Variants in ASB9 observed in about 807,000 individuals in gnomAD.
ASB9 encodes ankyrin repeat and SOCS box containing 9.
In ASB9, 5 loss-of-function variants were observed where a neutral mutation model predicts 16.6. The observed-to-expected ratio is 0.30, with a 90% CI of 0.16 to 0.63. ASB9 has a LOEUF of 0.63. Ranked by LOEUF, ASB9 falls within the 30% of genes least tolerant of loss-of-function variation. The probability of loss-of-function intolerance (pLI) is 0.82; values close to 1 mark genes in which losing one functional copy is unlikely to be tolerated. For missense variants in ASB9, 216 were observed against 229.4 expected (o/e 0.94, Z 0.38); for synonymous variants, 100 against 86.4 (o/e 1.16, Z -0.87).
chrX:15,247,359 C>T (rs1325119720), intron 6 of ASB9, among the ~76,000 whole-genome samples: 1 of 111,728 alleles, frequency 9.0e-6, no homozygotes, highest in African/African-American at 3.3e-5. Context: ...AAAGTAATTA[C>T]TGTCTCTAGG....
intron 1 of ASB9, among the ~76,000 whole-genome samples, chrX:15,265,803 A>ATTTTT (rs776249903): frequency 1.0e-5 from 1 of 96,953 alleles, no homozygotes; most frequent in African/African-American, 3.8e-5. Context: ...CACCCAGCTA[A>ATTTTT]TTTTTTTTTT....
intron 1 of ASB9, among the ~76,000 whole-genome samples, chrX:15,262,097 T>C (rs1926011170): frequency 9.4e-6 from 1 of 105,961 alleles, no homozygotes; most frequent in African/African-American, 3.5e-5. Context: ...GTTTCATCCA[T>C]GTTGTAGCGT....
intron 4 of ASB9, 75 bp downstream of exon 4, chrX:15,252,179 C>A (rs1451188047): frequency 9.5e-7 from 1 of 1,051,770 alleles, no homozygotes; most frequent in African/African-American, 2.0e-5. Flanking sequence ...AATATATCTC[C>A]TTTTCTTTCT....
At chrX:15,249,752 G>A (rs1013276784) in intron 5 of ASB9, among the ~76,000 whole-genome samples, 1 of 112,278 alleles carries the variant, frequency 8.9e-6, no homozygotes, top group Non-Finnish European at 1.9e-5. Context: ...GGCAGAGGTG[G>A]GGTGGGCAGT....
intron 2 of ASB9, among the ~76,000 whole-genome samples, chrX:15,257,392 G>A (rs868639364): frequency 8.2e-5 from 9 of 110,299 alleles, no homozygotes; most frequent in African/African-American, 3.0e-4. Flanking sequence ...CAACAAGAGT[G>A]AAACTCCATC....
At chrX:15,256,788 A>AAG (rs1925600105) in intron 2 of ASB9, among the ~76,000 whole-genome samples, 1 of 107,147 alleles carries the variant, frequency 9.3e-6, no homozygotes, top group East Asian at 3.0e-4. Context: ...AAAAAAAAAA[A>AAG]AAAAAAGAAA....
chrX:15,267,983 T>G (rs1926667486), intron 1 of ASB9, among the ~76,000 whole-genome samples: 1 of 110,494 alleles, frequency 9.1e-6, no homozygotes, highest in African/African-American at 3.3e-5. Context: ...GAAGACGTTT[T>G]GTGTTTTATT....
At position 15,269,231 on chromosome X, in the gene ASB9, C is replaced by T. The variant is rs958209496; in HGVS notation, c.94+550G>A. ...CAACAGGCACCTGCTGAATGCTCAC[C>T]GAAGTGTGTATTTGTGGGATTCTGT... On this transcript the variant is annotated intron_variant, in intron 1 of 6. Transcript: ENST00000380488. 9.8e-5 allele frequency among the ~76,000 whole-genome samples: 11 copies of T among 111,765 alleles called. No homozygotes were observed. The Admixed American group carries it at 1.0e-3, about 11-fold the overall frequency.
intron 1 of ASB9, 148 bp from the exon 2 acceptor site, chrX:15,259,093 T>G: frequency 5.2e-6 from 2 of 386,049 alleles, no homozygotes; most frequent in Non-Finnish European, 9.3e-6. Context: ...GAATTCAGCA[T>G]TTCTCTTCTT....
intron 1 of ASB9, among the ~76,000 whole-genome samples, chrX:15,263,988 G>T (rs149201750): frequency 6.3e-5 from 7 of 111,540 alleles, no homozygotes; most frequent in African/African-American, 2.3e-4. Context: ...GCCTCCTAGG[G>T]ATACCATAAC....
intron 1 of ASB9, among the ~76,000 whole-genome samples, chrX:15,269,039 C>G (rs1303100091): frequency 9.0e-6 from 1 of 111,271 alleles, no homozygotes; most frequent in East Asian, 2.8e-4. Context: ...TCCCGATAAA[C>G]TCCAAGGTTT....
intron 5 of ASB9, 57 bp downstream of exon 5, chrX:15,250,373 A>G (rs1394690673): frequency 3.5e-6 from 4 of 1,156,438 alleles, no homozygotes; most frequent in Non-Finnish European, 4.7e-6. Context: ...GATGTTTAAA[A>G]TACATTTAAT....
intron 3 of ASB9, among the ~76,000 whole-genome samples, chrX:15,253,519 G>A (rs753812679): frequency 1.8e-5 from 2 of 110,720 alleles, no homozygotes; most frequent in African/African-American, 6.6e-5. Context: ...AGTATCACTC[G>A]AACCCAGGAG....
At chrX:15,249,553 C>CCA (rs1278864653) in intron 5 of ASB9, among the ~76,000 whole-genome samples, 1 of 112,661 alleles carries the variant, frequency 8.9e-6, no homozygotes, top group East Asian at 2.8e-4. Flanking sequence ...CCACCCCAGC[C>CCA]CAGAGCCTAG....
chrX:15,249,553 C>T, intron 5 of ASB9, among the ~76,000 whole-genome samples: 1 of 112,714 alleles, frequency 8.9e-6, no homozygotes, highest in Non-Finnish European at 1.9e-5. Context: ...CCACCCCAGC[C>T]CAGAGCCTAG....
Position 15,249,054 on chromosome X carries a change from A to G in ASB9, c.569-119T>C, listed in dbSNP as rs192160186. 65 of 714,999 alleles carry G rather than the reference A, an allele frequency of 9.1e-5. 2 individuals carry two copies. The East Asian group carries it at 1.0e-3, about 11-fold the overall frequency. The allele number at this position is 714,999 out of a possible 1,213,427, so 58.9% of individuals were successfully genotyped here. ...GAGGGGATCCATATTGAGCACAGCA[A>G]TCCTGGAAAAATGGGAGATGATGTG... On this transcript the variant is annotated intron_variant, in intron 5 of 6. Transcript: ENST00000380488.
intron 1 of ASB9, among the ~76,000 whole-genome samples, chrX:15,265,221 C>T (rs1467702816): frequency 9.0e-6 from 1 of 111,458 alleles, no homozygotes; most frequent in Non-Finnish European, 1.9e-5. Context: ...AAGTCTCAGT[C>T]CCATGTCATC....
chrX:15,250,325 C>A (rs1925001733), intron 5 of ASB9, 105 bp downstream of exon 5: 3 of 934,697 alleles, frequency 3.2e-6, no homozygotes, highest in Non-Finnish European at 4.4e-6. Flanking sequence ...CCTTGTCCAA[C>A]TCCATTGCCC....
At chrX:15,250,842 C>G (rs1024750172) in intron 4 of ASB9, among the ~76,000 whole-genome samples, 2 of 111,934 alleles carry the variant, frequency 1.8e-5, no homozygotes, top group East Asian at 5.6e-4. Flanking sequence ...CTGCCTCAGC[C>G]TCCGAGTAGC....
Sources: gnomAD v4.1 joint callset for allele counts (sites outside exome capture counted in the v4.1 genomes callset) on GRCh38, gnomAD v4.1.1 for gene constraint, MANE v1.5 for transcripts, NCBI Gene and HGNC (gene_info 2026-07-23, HGNC 2026-07-21) for gene names.